The following A4GALT variants were observed in gnomAD, a reference collection of about 807,000 sequenced individuals.
A4GALT encodes alpha 1,4-galactosyltransferase (P1PK blood group).
For synonymous variants in A4GALT, 257 were observed against 220.7 expected, an observed-to-expected ratio of 1.16 and a Z score of -1.46; for missense variants, 512 against 486.0, an observed-to-expected ratio of 1.05 and a Z score of -0.50.
chr22:42,698,113 T>G (rs1187212756), intron 1 of A4GALT, among the ~76,000 whole-genome samples: 2 of 152,162 alleles, frequency 1.3e-5, no homozygotes, highest in African/African-American at 4.8e-5. Context: ...GCTGGCATGA[T>G]GGTGCACGCC....
At chr22:42,696,420 CAAAAAGG>C (rs1318759176) in intron 1 of A4GALT, among the ~76,000 whole-genome samples, 1 of 93,190 alleles carries the variant, frequency 1.1e-5, no homozygotes, top group Non-Finnish European at 2.1e-5. Flanking sequence ...AACTCAGTTT[CAAAAAGG>C]AAAAAAAAAA....
rs1180529043 is a variant in A4GALT, at chr22:42,709,067, A to ATATATATATATTTTTTTT, written c.-188+11729_-188+11730insAAAAAAAATATATATATA. Among the ~76,000 whole-genome samples the ATATATATATATTTTTTTT allele has an allele frequency of 3.3e-3, 431 of 128,712 alleles. 2 individuals carry two copies. The highest frequency in any genetic ancestry group is 0.011 in the South Asian group (42 of 3,850). 84.4% of individuals were successfully genotyped at this position (128,712 alleles called of 152,430 possible). A position where few individuals can be genotyped will look rare whatever the true frequency, so the allele number is the denominator to read the frequency against. ...AATTTAAATATATATATATATATAT[A>ATATATATATATTTTTTTT]TTTTTTTTAAGACAGGGTCTGCTGT... On this transcript the variant is annotated intron_variant, in intron 1 of 2. Transcript: ENST00000642412.
chr22:42,692,751 T>C lies in A4GALT; in HGVS notation c.*139A>G. On this transcript the variant is annotated 3_prime_UTR_variant, in exon 3 of 3. Transcript: ENST00000642412. This position sits in a 1 kb window ranked among gnomAD's most constrained non-coding sequence, Gnocchi z 4.6. ...GTCCACAGCCTCCCACTGGGCCTGCTCCCACAGCTCCTCAACAGCCTGCCT... is the reference window on the plus strand; with the variant it reads ...GTCCACAGCCTCCCACTGGGCCTGCCCCCACAGCTCCTCAACAGCCTGCCT... The C allele has an allele frequency of 1.0e-6, 1 of 1,000,224 alleles. No homozygotes were observed. 62.0% of individuals were successfully genotyped at this position (1,000,224 alleles called of 1,614,324 possible).
intron 1 of A4GALT, among the ~76,000 whole-genome samples, chr22:42,717,354 C>G (rs1211367591): frequency 6.6e-6 from 1 of 152,136 alleles, no homozygotes; most frequent in Non-Finnish European, 1.5e-5. Context: ...CTCCTCCCTG[C>G]GTAGTCATCA....
At chr22:42,714,446 G>A (rs1407506565) in intron 1 of A4GALT, among the ~76,000 whole-genome samples, 1 of 151,710 alleles carries the variant, frequency 6.6e-6, no homozygotes. Flanking sequence ...AAATTAGCAT[G>A]TGCCTGTAGT....
intron 1 of A4GALT, among the ~76,000 whole-genome samples, chr22:42,696,241 A>G (rs892631448): frequency 1.3e-5 from 2 of 150,866 alleles, no homozygotes; most frequent in African/African-American, 4.9e-5. Flanking sequence ...ACCAACATGG[A>G]GAAACCCTGT....
chr22:42,693,593 C>A lies in A4GALT; in HGVS notation c.359G>T (p.Gly120Val), dbSNP rs1174472813. The A allele has an allele frequency of 6.2e-7, 1 of 1,613,612 alleles. No individual in the cohort carries two copies. Among genetic ancestry groups the A allele is most frequent in the Admixed American group, 1.7e-5 (1 of 60,014 alleles). Residue 120 changes from glycine to valine, a missense_variant, in exon 3 of 3, where the codon GGC becomes GTC. Transcript: ENST00000642412. ...VLVLMKGLPG[G>V]NASLPRHLGI... is the part of the protein sequence containing the mutation. ...CAGGTGCCGGGGCAGAGAGGCGTTG[C>A]CACCCGGAAGCCCTTTCATCAGGAC... is the stretch of plus-strand genomic sequence containing the variant.
chr22:42,692,408 CA>C lies in A4GALT; in HGVS notation c.*481del. On this transcript the variant is annotated 3_prime_UTR_variant, in exon 3 of 3. Transcript: ENST00000642412. The surrounding 1 kb of genome is among the most constrained non-coding windows in gnomAD (Gnocchi z 4.6). The stretch of plus-strand genomic sequence containing the variant: ...CCCCCACCCCCCGCGAAAGAGGAAC[CA>C]AAACCAGAAAAGAACAAAGCATCCT... 1 of 324,090 alleles carries C rather than the reference CA, an allele frequency of 3.1e-6. No individual in the cohort carries two copies. The highest frequency in any genetic ancestry group is 6.1e-6 in the Non-Finnish European group (1 of 164,280). 20.1% of individuals were successfully genotyped at this position (324,090 alleles called of 1,614,324 possible).
chr22:42,700,980 C>T (rs760211151), intron 1 of A4GALT, among the ~76,000 whole-genome samples: 9 of 152,308 alleles, frequency 5.9e-5, no homozygotes, highest in Non-Finnish European at 1.3e-4. Context: ...ATCATGCTCC[C>T]AGTCCCACAG....
chr22:42,694,115 G>C, intron 2 of A4GALT, 118 bp from the exon 3 acceptor site: 1 of 657,448 alleles, frequency 1.5e-6, no homozygotes, highest in South Asian at 1.9e-5. Context: ...ATGGGCTCCT[G>C]GGCCCACAGG....
intron 1 of A4GALT, among the ~76,000 whole-genome samples, chr22:42,720,108 C>A (rs1922571360): frequency 6.6e-6 from 1 of 152,196 alleles, no homozygotes; most frequent in Admixed American, 6.5e-5. Flanking sequence ...CGCTCCCGCT[C>A]AGTCCTCAAC....
intron 1 of A4GALT, among the ~76,000 whole-genome samples, chr22:42,709,361 A>T (rs1399277613): frequency 5.3e-5 from 8 of 151,562 alleles, no homozygotes; most frequent in East Asian, 3.9e-4. Context: ...AAAAAAAAAA[A>T]TTTAAGTAAA....
intron 1 of A4GALT, among the ~76,000 whole-genome samples, chr22:42,715,367 G>C (rs756269931): frequency 6.6e-6 from 1 of 152,040 alleles, no homozygotes; most frequent in Admixed American, 6.6e-5. Flanking sequence ...ACATCTTTGA[G>C]CATGTCCTTA....
Position 42,692,706 on chromosome 22 carries a change from C to T in A4GALT, c.*184G>A, listed in dbSNP as rs1930530009. 1 of 757,800 alleles carries T rather than the reference C, an allele frequency of 1.3e-6. No homozygotes were observed. The highest frequency in any genetic ancestry group is 2.3e-6 in the Non-Finnish European group (1 of 437,378). The allele number at this position is 757,800 out of a possible 1,614,324, so 46.9% of individuals were successfully genotyped here. On this transcript the variant is annotated 3_prime_UTR_variant, in exon 3 of 3. Coordinates refer to ENST00000642412, the MANE Select transcript of A4GALT (RefSeq NM_017436.7). The surrounding 1 kb of genome is among the most constrained non-coding windows in gnomAD (Gnocchi z 4.6). ...ACCATGTGTCAGCCCTGCCTCGAGACAGGACACTGTCCTCGGGGTGTCCAC... is the reference window on the plus strand; with the variant it reads ...ACCATGTGTCAGCCCTGCCTCGAGATAGGACACTGTCCTCGGGGTGTCCAC...
At chr22:42,720,177 G>C (rs1173952530) in intron 1 of A4GALT, among the ~76,000 whole-genome samples, 1 of 151,724 alleles carries the variant, frequency 6.6e-6, no homozygotes, top group Non-Finnish European at 1.5e-5. Context: ...CGCGGAGGCC[G>C]GGCGACTCCA....
rs1350646555 is a variant in A4GALT at position 42,692,602 on chromosome 22, G to A, written c.*288C>T. 2.6e-5 allele frequency: 15 copies of A among 569,610 alleles called. No homozygotes were observed. The highest frequency in any genetic ancestry group is 5.0e-5 in the Non-Finnish European group (15 of 299,674). The allele number at this position is 569,610 out of a possible 1,614,324, so 35.3% of individuals were successfully genotyped here. A position where few individuals can be genotyped will look rare whatever the true frequency, so the allele number is the denominator to read the frequency against. On this transcript the variant is annotated 3_prime_UTR_variant, in exon 3 of 3. Coordinates refer to ENST00000642412, the MANE Select transcript of A4GALT (RefSeq NM_017436.7). The surrounding 1 kb of genome is among the most constrained non-coding windows in gnomAD (Gnocchi z 4.6). ...TGCCTGGCTTTCCGCACCACCTGGG[G>A]GTGCCCTGAGGTTCATCCTTCCTGC...
chr22:42,709,343 C>A (rs1203139438), intron 1 of A4GALT, among the ~76,000 whole-genome samples: 1 of 102,448 alleles, frequency 9.8e-6, no homozygotes, highest in South Asian at 2.9e-4. Flanking sequence ...CTGTGCCAGG[C>A]CAAAAAAAAA....
chr22:42,718,207 A>G (rs1157827657), intron 1 of A4GALT: 1 of 152,274 alleles, frequency 6.6e-6, no homozygotes, highest in Non-Finnish European at 1.5e-5. Context: ...TACTAATGGA[A>G]AAATATTTTA....
In A4GALT at chr22:42,693,755, G is replaced by T; in HGVS notation, c.197C>A (p.Pro66His). ...GGGGCCGTGGGAGGGTGGGGTGGGG[G>T]GTGTCAAGGTGGGGCAGGGGATCTC... ...PAEIPCPTLT[P>H]PTPPSHGPTP... The change falls in exon 3 of 3, where the codon CCC becomes CAC. Residue 66 changes from proline to histidine, a missense_variant. Transcript: ENST00000642412. The T allele has an allele frequency of 6.2e-7, 1 of 1,606,900 alleles. No homozygotes were observed. Among genetic ancestry groups the T allele is most frequent in the Non-Finnish European group, 8.5e-7 (1 of 1,176,788 alleles).
Sources: allele counts gnomAD v4.1 joint callset (sites outside exome capture counted in the v4.1 genomes callset), GRCh38; gene constraint gnomAD v4.1.1; non-coding constraint Gnocchi (gnomAD v3.1); transcripts MANE v1.5; gene names NCBI Gene and HGNC (gene_info 2026-07-23, HGNC 2026-07-21).